The following EEA1 variants were observed in gnomAD, a reference collection of about 807,000 sequenced individuals.
EEA1 encodes the protein early endosome antigen 1, also known as early endosome antigen 1, 162kD.
A neutral mutation model predicts 209.2 loss-of-function variants in EEA1; 111 were observed. That is an observed-to-expected ratio of 0.53 (90% CI 0.45 to 0.62). The LOEUF (loss-of-function observed/expected upper bound fraction) is 0.62, where lower values mean the gene tolerates loss of function less well. Ranked by LOEUF, EEA1 falls within the 20% of genes least tolerant of loss-of-function variation. The pLI, the probability that EEA1 is intolerant of heterozygous loss-of-function variation, is 0.00. For synonymous variants in EEA1, 536 were observed against 540.6 expected, an observed-to-expected ratio of 0.99 and a Z score of 0.12; for missense variants, 1,343 against 1,530.8, an observed-to-expected ratio of 0.88 and a Z score of 2.05.
At chr12:92,850,413 G>T (rs868636120) in intron 9 of EEA1, among the ~76,000 whole-genome samples, 1 of 152,204 alleles carries the variant, frequency 6.6e-6, no homozygotes, top group Middle Eastern at 3.4e-3. Flanking sequence ...CTTATGGCCG[G>T]GTGCAGTGGC....
At chr12:92,911,209 A>G (rs1201854121) in intron 1 of EEA1, among the ~76,000 whole-genome samples, 1 of 152,250 alleles carries the variant, frequency 6.6e-6, no homozygotes, top group African/African-American at 2.4e-5. Context: ...CTTTATTCAT[A>G]ATAGCTAAAG....
At chr12:92,786,430 C>T (rs1874135445) in intron 22 of EEA1, among the ~76,000 whole-genome samples, 1 of 152,074 alleles carries the variant, frequency 6.6e-6, no homozygotes, top group Non-Finnish European at 1.5e-5. Context: ...ACAACTATTG[C>T]TAATTTTTAC....
At chr12:92,911,111 A>T (rs1880567453) in intron 1 of EEA1, among the ~76,000 whole-genome samples, 2 of 150,492 alleles carry the variant, frequency 1.3e-5, no homozygotes, top group Admixed American at 6.6e-5. Flanking sequence ...CTTACTATAC[A>T]ATTCAGTAAT....
Position 92,852,864 on chromosome 12 carries a change from A to C in EEA1, c.520+48T>G, listed in dbSNP as rs760088208. ...TATTGCTAGGGTATATAATGGCAAA[A>C]AGGTAATGAGATTGATTTATTGGCT... On this transcript the variant is annotated intron_variant, in intron 7 of 28. Coordinates refer to ENST00000322349, the MANE Select transcript of EEA1 (RefSeq NM_003566.4). 2.2e-6 allele frequency: 3 copies of C among 1,370,072 alleles called. No homozygotes were observed. The South Asian group carries it at 3.6e-5, about 17-fold the overall frequency. 84.9% of individuals were successfully genotyped at this position (1,370,072 alleles called of 1,614,324 possible).
At chr12:92,879,363 C>T in intron 2 of EEA1, 1 of 452,100 alleles carries the variant, frequency 2.2e-6, no homozygotes. Context: ...GGATGCTCCA[C>T]CTGTATTAAA....
At chr12:92,811,594 C>T (rs997392411) in intron 16 of EEA1, among the ~76,000 whole-genome samples, 160 bp from the exon 17 acceptor site, 1 of 151,988 alleles carries the variant, frequency 6.6e-6, no homozygotes, top group Non-Finnish European at 1.5e-5. Context: ...TACTTACCTA[C>T]CAATATAAAC....
intron 2 of EEA1, chr12:92,879,158 A>G: frequency 3.2e-6 from 1 of 313,668 alleles, no homozygotes; most frequent in Non-Finnish European, 6.1e-6. Flanking sequence ...ATACAGGCTG[A>G]GCACCCATTA....
chr12:92,915,589 G>C (rs183743500), intron 1 of EEA1, among the ~76,000 whole-genome samples: 2 of 152,340 alleles, frequency 1.3e-5, no homozygotes, highest in Admixed American at 1.3e-4. Context: ...TGGCTTGCCT[G>C]ACAACGCTCT....
intron 3 of EEA1, chr12:92,858,745 G>A: frequency 1.3e-6 from 1 of 753,976 alleles, no homozygotes; most frequent in South Asian, 1.3e-5. Flanking sequence ...GATGAGGGAT[G>A]CCCTAAAGGA....
intron 1 of EEA1, among the ~76,000 whole-genome samples, chr12:92,898,203 A>T (rs955614964): frequency 4.6e-5 from 7 of 152,268 alleles, no homozygotes; most frequent in Non-Finnish European, 1.0e-4. Context: ...AAAGAAGGGT[A>T]TAAGATTAAA....
chr12:92,778,678 G>C (rs1873767239), intron 25 of EEA1, among the ~76,000 whole-genome samples: 1 of 152,042 alleles, frequency 6.6e-6, no homozygotes, highest in Non-Finnish European at 1.5e-5. Context: ...AGGAAAGCCA[G>C]ATGCTTCCCA....
At chr12:92,898,971 C>T (rs2251254) in intron 1 of EEA1, among the ~76,000 whole-genome samples, 90,973 of 144,324 alleles carry the variant, frequency 0.63, 28,982 homozygotes, top group East Asian at 0.94. Flanking sequence ...AAAAAAAAAA[C>T]CACAAACATT....
At position 92,929,257 on chromosome 12, in the gene EEA1, G is replaced by C. The variant is rs1188697306; in HGVS notation, c.-191C>G. On this transcript the variant is annotated 5_prime_UTR_variant, in exon 1 of 29. Transcript: ENST00000322349. ...AGGCGGCGAGAGGGAGCACGCGAGAGAGAGCGAGCGAACGACTAGGCAGCC... is the reference window on the plus strand; with the variant it reads ...AGGCGGCGAGAGGGAGCACGCGAGACAGAGCGAGCGAACGACTAGGCAGCC... 12 of 440,682 alleles carry C rather than the reference G, an allele frequency of 2.7e-5. No homozygotes were observed. Among genetic ancestry groups the C allele is most frequent in the East Asian group, 4.2e-5 (1 of 23,848 alleles). The allele number at this position is 440,682 out of a possible 1,614,324, so 27.3% of individuals were successfully genotyped here.
At chr12:92,921,879 A>G (rs562226298) in intron 1 of EEA1, among the ~76,000 whole-genome samples, 5 of 149,600 alleles carry the variant, frequency 3.3e-5, no homozygotes, top group African/African-American at 7.4e-5. Context: ...AAAAAAAAAA[A>G]AAAAAAAGAA....
chr12:92,798,740 A>G (rs1874762909), intron 21 of EEA1, 152 bp downstream of exon 21: 4 of 479,822 alleles, frequency 8.3e-6, no homozygotes, highest in South Asian at 9.6e-5. Context: ...ATTTGATAAT[A>G]TAGTCAAATG....
intron 2 of EEA1, among the ~76,000 whole-genome samples, chr12:92,883,450 T>C (rs765468720): frequency 2.0e-5 from 3 of 152,158 alleles, no homozygotes; most frequent in African/African-American, 2.4e-5. Context: ...TTTGTTGCAA[T>C]TGCTTTTGAG....
intron 9 of EEA1, among the ~76,000 whole-genome samples, chr12:92,847,251 G>A (rs995315884): frequency 6.6e-6 from 1 of 152,054 alleles, no homozygotes; most frequent in African/African-American, 2.4e-5. Context: ...CACTGCACCT[G>A]GCCCTTAAAA....
intron 3 of EEA1, among the ~76,000 whole-genome samples, chr12:92,860,751 T>C (rs191019565): frequency 1.5e-3 from 230 of 152,234 alleles, no homozygotes; most frequent in African/African-American, 5.2e-3. Context: ...CTTGTTTACA[T>C]GCTTATTCCA....
intron 2 of EEA1, among the ~76,000 whole-genome samples, chr12:92,871,304 T>C (rs1052339114): frequency 6.6e-6 from 1 of 152,164 alleles, no homozygotes; most frequent in Non-Finnish European, 1.5e-5. Flanking sequence ...AAGCAATCCA[T>C]ATTCCCTTGT....
Sources: allele counts gnomAD v4.1 joint callset (sites outside exome capture counted in the v4.1 genomes callset), GRCh38; gene constraint gnomAD v4.1.1; transcripts MANE v1.5; gene names NCBI Gene and HGNC (gene_info 2026-07-23, HGNC 2026-07-21).